TBP: variants seen among roughly 807,000 people sequenced by gnomAD.
TBP encodes the protein TATA-box-binding protein.
A neutral mutation model predicts 46.2 loss-of-function variants in TBP; 12 were observed. The ratio of observed to expected loss-of-function variants is 0.26; its 90% CI spans 0.17 to 0.42. TBP has a LOEUF of 0.42. TBP is among the 10% of genes least tolerant of loss of function. TBP has a pLI of 1.00. For missense variants in TBP, 229 were observed against 403.1 expected (o/e 0.57, Z 3.70); for synonymous variants, 157 against 148.3 (o/e 1.06, Z -0.42).
intron 1 of TBP, among the ~76,000 whole-genome samples, chr6:170,555,925 A>G (rs1779016435): frequency 1.3e-5 from 2 of 152,102 alleles, no homozygotes; most frequent in South Asian, 4.1e-4. Context: ...TGTTATTGTT[A>G]TTATAGGATA....
chr6:170,560,662 T>C (rs2114992797), intron 2 of TBP, among the ~76,000 whole-genome samples: 1 of 152,352 alleles, frequency 6.6e-6, no homozygotes, highest in East Asian at 1.9e-4. Flanking sequence ...CCAACCCTCG[T>C]GGATGACTTT....
At chr6:170,569,842 CAGA>C in intron 6 of TBP, 63 bp downstream of exon 6, 2 of 1,449,352 alleles carry the variant, frequency 1.4e-6, no homozygotes, top group Non-Finnish European at 1.9e-6. Flanking sequence ...AAACATTGTT[CAGA>C]ATAAAACACA....
intron 2 of TBP, among the ~76,000 whole-genome samples, chr6:170,557,787 A>C (rs1779058908): frequency 6.6e-6 from 1 of 151,724 alleles, no homozygotes; most frequent in Admixed American, 6.6e-5. Context: ...AAATATACAT[A>C]CAAAAAAACT....
intron 1 of TBP, among the ~76,000 whole-genome samples, chr6:170,555,735 C>T (rs1156539923): frequency 2.6e-5 from 4 of 152,098 alleles, no homozygotes; most frequent in Non-Finnish European, 4.4e-5. Flanking sequence ...AGGCATAGTG[C>T]TAGATGCAGA....
At position 170,561,969 on chromosome 6, in the gene TBP, AGCAGCAGCAGCAGCAGCAGCAG is replaced by A. The variant is rs1779153617; in HGVS notation, c.234_255del (p.Gln78HisfsTer59). 1 of 1,093,926 alleles carries A rather than the reference AGCAGCAGCAGCAGCAGCAGCAG, an allele frequency of 9.1e-7. No individual in the cohort carries two copies. The highest frequency in any genetic ancestry group is 1.8e-5 in the South Asian group (1 of 56,796). 67.8% of individuals were successfully genotyped at this position (1,093,926 alleles called of 1,614,324 possible). A position where few individuals can be genotyped will look rare whatever the true frequency, so the allele number is the denominator to read the frequency against. On this transcript the variant is annotated frameshift_variant, in exon 3 of 8. Transcript: ENST00000392092. LOFTEE classifies it high-confidence loss of function. ...CAGCAGCAACAGCAACAGCAGCAGC[AGCAGCAGCAGCAGCAGCAGCAG>A]CAGCAGCAGCAGCAGCAGCAGCAGC...
chr6:170,571,281 T>A, intron 6 of TBP, 129 bp from the exon 7 acceptor site: 1 of 659,088 alleles, frequency 1.5e-6, no homozygotes, highest in Non-Finnish European at 2.6e-6. Flanking sequence ...CCTTTGATGC[T>A]GCTTGAAGAA....
At chr6:170,571,569 T>C in intron 7 of TBP, 65 bp downstream of exon 7, 1 of 1,274,330 alleles carries the variant, frequency 7.8e-7, no homozygotes, top group East Asian at 2.3e-5. Context: ...ATTTTCTCAG[T>C]GCTGAAAAGA....
chr6:170,564,415 AT>A (rs1208509128), intron 3 of TBP, 129 bp from the exon 4 acceptor site: 10 of 563,926 alleles, frequency 1.8e-5, no homozygotes, highest in Non-Finnish European at 1.2e-5. Flanking sequence ...TTGTTAAACA[AT>A]AAATGTGAGC....
intron 1 of TBP, among the ~76,000 whole-genome samples, chr6:170,556,068 C>G (rs1403412615): frequency 6.6e-6 from 1 of 152,160 alleles, no homozygotes; most frequent in Non-Finnish European, 1.5e-5. Context: ...GGCCTTTGCC[C>G]TTTCAAAGTG....
chr6:170,557,346 A>G (rs2114989537), intron 2 of TBP, among the ~76,000 whole-genome samples: 1 of 152,328 alleles, frequency 6.6e-6, no homozygotes, highest in South Asian at 2.1e-4. Flanking sequence ...ATGACTATAT[A>G]GGGTCTTTGA....
intron 2 of TBP, among the ~76,000 whole-genome samples, chr6:170,559,295 G>A (rs183723709): frequency 4.9e-4 from 75 of 152,304 alleles, no homozygotes; most frequent in East Asian, 4.8e-3. Flanking sequence ...TAGTGAAGAA[G>A]GCATGTTGAA....
Position 170,561,912 on chromosome 6 carries a change from A to C in TBP, c.176A>C (p.Gln59Pro). 6.3e-7 allele frequency: 1 copy of C among 1,584,512 alleles called. No individual in the cohort carries two copies. Among genetic ancestry groups the C allele is most frequent in the Non-Finnish European group, 8.5e-7 (1 of 1,173,794 alleles). The change falls in exon 3 of 8, where the codon CAG (glutamine) becomes CCG (proline). Residue 59 changes from glutamine to proline, a missense_variant. This residue lies in a region of TBP where 49 missense variants were observed against 94.7 expected (regional missense o/e 0.52). Transcript: ENST00000392092. Reference protein sequence around the residue: ...LSILEEQQRQQQQQQQQQQQQ... With the variant: ...LSILEEQQRQPQQQQQQQQQQ... ...ATTTTGGAAGAGCAACAAAGGCAGC[A>C]GCAGCAACAACAACAGCAGCAGCAG... is the stretch of plus-strand genomic sequence containing the variant.
Position 170,572,391 on chromosome 6 carries a change from C to T in TBP, c.*126C>T. On this transcript the variant is annotated 3_prime_UTR_variant, in exon 8 of 8. Transcript: ENST00000392092. Reference sequence around the variant, plus strand: ...GGATGTTGAGTTGCAGGGTGTGGCACCAGGTGATGCCCTTCTGTAAGTGCC... The same window carrying T: ...GGATGTTGAGTTGCAGGGTGTGGCATCAGGTGATGCCCTTCTGTAAGTGCC... 1 of 774,854 alleles carries T rather than the reference C, an allele frequency of 1.3e-6. No homozygotes were observed. The highest frequency in any genetic ancestry group is 2.1e-6 in the Non-Finnish European group (1 of 472,388). 48.0% of individuals were successfully genotyped at this position (774,854 alleles called of 1,614,324 possible). A position where few individuals can be genotyped will look rare whatever the true frequency, so the allele number is the denominator to read the frequency against.
At chr6:170,558,697 ATTTT>A (rs149989324) in intron 2 of TBP, among the ~76,000 whole-genome samples, 2 of 122,202 alleles carry the variant, frequency 1.6e-5, no homozygotes, top group Non-Finnish European at 3.6e-5. Context: ...TTTTTTTTGT[ATTTT>A]TTTTTTAATT....
intron 4 of TBP, 121 bp downstream of exon 4, chr6:170,564,753 G>A: frequency 2.0e-6 from 1 of 496,438 alleles, no homozygotes; most frequent in Non-Finnish European, 3.3e-6. Context: ...AGGCACAGTG[G>A]CTAATGCCTG....
At chr6:170,570,520 G>GA (rs1779348550) in intron 6 of TBP, among the ~76,000 whole-genome samples, 2 of 152,064 alleles carry the variant, frequency 1.3e-5, no homozygotes, top group African/African-American at 4.8e-5. Context: ...TGAGAAAAAT[G>GA]AGATTACTAG....
At position 170,568,815 on chromosome 6, in the gene TBP, CTTTTT is replaced by C. The variant is rs377394208; in HGVS notation, c.678-774_678-770del. Reference sequence around the variant, plus strand: ...TTCTCTTCTTTCTTTCTTTCCTTTTCTTTTTTTTTTTTTTTTTTTTTTTTTTTGGT... The same window carrying C: ...TTCTCTTCTTTCTTTCTTTCCTTTTCTTTTTTTTTTTTTTTTTTTTTTGGT... On this transcript the variant is annotated intron_variant, in intron 5 of 7. Transcript: ENST00000392092. 1.6e-4 allele frequency among the ~76,000 whole-genome samples: 10 copies of C among 62,608 alleles called. 2 individuals carry two copies. In the South Asian group the frequency reaches 2.9e-3, roughly 18 times the overall value. 41.1% of individuals were successfully genotyped at this position (62,608 alleles called of 152,430 possible).
intron 2 of TBP, among the ~76,000 whole-genome samples, chr6:170,560,372 G>T (rs958184758): frequency 1.3e-5 from 2 of 152,128 alleles, no homozygotes; most frequent in Non-Finnish European, 2.9e-5. Context: ...GGTCATGGTG[G>T]CATGTGCCTG....
At position 170,564,482 on chromosome 6, in the gene TBP, C is replaced by T. The variant is rs1008716139; in HGVS notation, c.498-63C>T. On this transcript the variant is annotated intron_variant, in intron 3 of 7. Transcript: ENST00000392092. ...AATCAGATGTCTGCATAATTTCTAA[C>T]GCCTCATCCAATGAAACTTAAGTAA... is the stretch of plus-strand genomic sequence containing the variant. 37 of 1,154,754 alleles carry T rather than the reference C, an allele frequency of 3.2e-5. 1 individual carries two copies. Among genetic ancestry groups the T allele is most frequent in the East Asian group, 7.4e-5 (3 of 40,334 alleles). The allele number at this position is 1,154,754 out of a possible 1,614,324, so 71.5% of individuals were successfully genotyped here.
Sources: allele counts gnomAD v4.1 joint callset (sites outside exome capture counted in the v4.1 genomes callset), GRCh38; gene constraint gnomAD v4.1.1; regional missense constraint gnomAD v4.1.1; transcripts MANE v1.5; gene names NCBI Gene and HGNC (gene_info 2026-07-23, HGNC 2026-07-21).